Variants in CHD6 observed in about 807,000 individuals in gnomAD.
CHD6 encodes ATP-dependent chromatin remodeler CHD6.
A neutral mutation model predicts 276.9 loss-of-function variants in CHD6; 50 were observed. That is an observed-to-expected ratio of 0.18 (90% CI 0.14 to 0.23). The LOEUF is 0.23. CHD6 is among the 10% of genes least tolerant of loss of function. The probability of loss-of-function intolerance (pLI) is 1.00; values close to 1 mark genes in which losing one functional copy is unlikely to be tolerated. For synonymous variants in CHD6, 1,173 were observed against 1,229.3 expected (o/e 0.95, Z 0.96); for missense variants, 2,564 against 3,365.8 (o/e 0.76, Z 5.89).
chr20:41,435,491 C>G (rs917015756), intron 27 of CHD6, among the ~76,000 whole-genome samples: 1 of 151,516 alleles, frequency 6.6e-6, no homozygotes, highest in South Asian at 2.1e-4. Context: ...GTGGTCCCTA[C>G]TACTTGGGAG....
intron 17 of CHD6, among the ~76,000 whole-genome samples, chr20:41,462,786 A>G (rs2042832564): frequency 6.6e-6 from 1 of 152,234 alleles, no homozygotes; most frequent in African/African-American, 2.4e-5. Context: ...ATGAATGCAT[A>G]TATTTACACA....
chr20:41,555,902 G>T (rs952402429), intron 1 of CHD6, among the ~76,000 whole-genome samples: 1 of 152,294 alleles, frequency 6.6e-6, no homozygotes, highest in Admixed American at 6.5e-5. Flanking sequence ...AAGGCAGGCG[G>T]CTGGGTGGTG....
At chr20:41,552,024 C>T (rs1429190976) in intron 1 of CHD6, among the ~76,000 whole-genome samples, 2 of 152,070 alleles carry the variant, frequency 1.3e-5, no homozygotes, top group Non-Finnish European at 2.9e-5. Context: ...CTTGTGAACA[C>T]CATAAAAGCC....
chr20:41,459,399 CCTT>C (rs1217148892), intron 17 of CHD6: 1 of 152,312 alleles, frequency 6.6e-6, no homozygotes, highest in East Asian at 1.9e-4. Context: ...CAGAGGTCCT[CCTT>C]GCAATAAGAA....
chr20:41,420,928 C>G lies in CHD6; in HGVS notation c.5707G>C (p.Glu1903Gln). 1 of 1,614,192 alleles carries G rather than the reference C, an allele frequency of 6.2e-7. No individual in the cohort carries two copies. The highest frequency in any genetic ancestry group is 8.5e-7 in the Non-Finnish European group (1 of 1,180,026). ...LTEPTTNISR[E>Q]KNQGFQDETK... ...TCATCTTGGAAGCCTTGGTTCTTTT[C>G]CCTTGAGATGTTAGTAGTGGGCTCC... is the stretch of plus-strand genomic sequence containing the variant. The change falls in exon 31 of 37, where the codon GAA becomes CAA. Residue 1903 changes from glutamate to glutamine, a missense_variant. Physicochemically the swap from Glu to Gln is conservative, Grantham distance 29 (BLOSUM62 2). Transcript: ENST00000373233.
chr20:41,497,344 G>A (rs1456092218), intron 8 of CHD6, 40 bp downstream of exon 8: 1 of 1,244,960 alleles, frequency 8.0e-7, no homozygotes, highest in Admixed American at 1.7e-5. Flanking sequence ...ACTGCTGCAA[G>A]AAAAGCAGCA....
At chr20:41,506,021 A>G (rs1225505109) in intron 5 of CHD6, among the ~76,000 whole-genome samples, 1 of 151,938 alleles carries the variant, frequency 6.6e-6, no homozygotes, top group Non-Finnish European at 1.5e-5. Flanking sequence ...CTTTCCATAC[A>G]CCATATCTGA....
chr20:41,597,116 A>C (rs1383919594), intron 1 of CHD6, among the ~76,000 whole-genome samples: 1 of 152,218 alleles, frequency 6.6e-6, no homozygotes, highest in Non-Finnish European at 1.5e-5. Flanking sequence ...ATGTGGAAGA[A>C]TAGGTCACTT....
chr20:41,405,354 C>T lies in CHD6; in HGVS notation c.7387G>A (p.Gly2463Arg). 6.2e-7 allele frequency: 1 copy of T among 1,614,206 alleles called. No individual in the cohort carries two copies. The highest frequency in any genetic ancestry group is 2.2e-5 in the East Asian group (1 of 44,890). The change falls in exon 37 of 37, where the codon GGA becomes AGA. Residue 2463 changes from glycine (G) to arginine (R), a missense_variant. Transcript: ENST00000373233. ...APSIVADSPS[G>R]MGPLFMNGLI... is the part of the protein sequence containing the mutation. Reference sequence around the variant, plus strand: ...CCATTCATGAACAGTGGCCCCATTCCAGAGGGAGAGTCTGCCACAATGGAA... The same window carrying T: ...CCATTCATGAACAGTGGCCCCATTCTAGAGGGAGAGTCTGCCACAATGGAA...
intron 27 of CHD6, 178 bp downstream of exon 27, chr20:41,437,096 A>G: frequency 1.8e-6 from 1 of 570,390 alleles, no homozygotes; most frequent in East Asian, 2.9e-5. Flanking sequence ...AAAAAGTTTA[A>G]TTAGAATAAA....
chr20:41,529,867 C>T (rs1234270422), intron 3 of CHD6, among the ~76,000 whole-genome samples: 3 of 152,030 alleles, frequency 2.0e-5, no homozygotes, highest in Admixed American at 1.3e-4. Context: ...AGATTCTAAG[C>T]GGTTATAAAT....
intron 25 of CHD6, among the ~76,000 whole-genome samples, chr20:41,441,546 TC>T (rs2047902114): frequency 6.6e-6 from 1 of 152,152 alleles, no homozygotes. Flanking sequence ...AGGCCAACTG[TC>T]CAGGAGTATA....
intron 1 of CHD6, among the ~76,000 whole-genome samples, chr20:41,557,489 C>A (rs915454089): frequency 1.3e-5 from 2 of 152,012 alleles, no homozygotes; most frequent in African/African-American, 4.8e-5. Context: ...CCAAGTTCCT[C>A]AGTGTTGTGT....
intron 31 of CHD6, among the ~76,000 whole-genome samples, chr20:41,419,200 A>G (rs945115737): frequency 1.2e-4 from 18 of 152,102 alleles, no homozygotes; most frequent in African/African-American, 4.1e-4. Context: ...TATCTTAGCT[A>G]GTATGTAAAT....
Position 41,594,640 on chromosome 20 carries a change from C to T in CHD6, c.-24+23700G>A, listed in dbSNP as rs2045698916. Among the ~76,000 whole-genome samples the T allele has an allele frequency of 2.0e-5, 3 of 152,236 alleles. No individual in the cohort carries two copies. In the South Asian group the frequency reaches 6.2e-4, roughly 32 times the overall value. On this transcript the variant is annotated intron_variant, in intron 1 of 36. Transcript: ENST00000373233. ...CTTGCTTGGTCTTTCTTGCTCTGTA[C>T]ACAAGCCCTTCCTGCTTAATCTGTA...
intron 1 of CHD6, among the ~76,000 whole-genome samples, chr20:41,574,963 C>G (rs1213781676): frequency 6.6e-6 from 1 of 152,208 alleles, no homozygotes; most frequent in Non-Finnish European, 1.5e-5. Context: ...GAAAACCGAT[C>G]AGACATTTGA....
intron 36 of CHD6, among the ~76,000 whole-genome samples, chr20:41,410,603 AC>A (rs1426483243): frequency 9.2e-5 from 14 of 152,164 alleles, no homozygotes; most frequent in Admixed American, 6.5e-5. Flanking sequence ...TTCTTGCCTT[AC>A]TGCAGGAAAA....
chr20:41,414,774 G>A, intron 34 of CHD6: 1 of 1,036,824 alleles, frequency 9.6e-7, no homozygotes, highest in African/African-American at 1.7e-5. Context: ...AAGCAGAAGA[G>A]CCAGGATCAC....
At chr20:41,490,902 G>GT (rs2043536210) in intron 11 of CHD6, among the ~76,000 whole-genome samples, 1 of 152,122 alleles carries the variant, frequency 6.6e-6, no homozygotes, top group Admixed American at 6.6e-5. Flanking sequence ...ATTTACCTAT[G>GT]TAACAAACCT....
Sources: gnomAD v4.1 joint callset for allele counts (sites outside exome capture counted in the v4.1 genomes callset) on GRCh38, gnomAD v4.1.1 for gene constraint, MANE v1.5 for transcripts, NCBI Gene and HGNC (gene_info 2026-07-23, HGNC 2026-07-21) for gene names.